The following PCLO variants were observed in gnomAD, a reference collection of about 807,000 sequenced individuals.
The protein encoded by PCLO is piccolo presynaptic cytomatrix protein, also known as protein piccolo.
In PCLO, 82 loss-of-function variants were observed where a neutral mutation model predicts 427.5. That is an observed-to-expected ratio of 0.19 (90% confidence interval 0.16 to 0.23). The LOEUF (loss-of-function observed/expected upper bound fraction) is 0.23. Ranked by LOEUF, PCLO falls within the 10% of genes least tolerant of loss-of-function variation. PCLO has a pLI of 1.00. For synonymous variants in PCLO, 2,357 were observed against 2,155.4 expected (o/e 1.09, Z -2.59); for missense variants, 6,239 against 6,115.9 (o/e 1.02, Z -0.67).
rs1290486289 is a variant in PCLO at position 82,755,969 on chromosome 7, C to T, written c.*2606G>A. ...CCCTGTTGTCAACTCTGCTGATTGA[C>T]CTAGCCCCATCGCTAGTTCCTTGGA... On this transcript the variant is annotated 3_prime_UTR_variant, in exon 25 of 25. Coordinates refer to ENST00000333891, the MANE Select transcript of PCLO (RefSeq NM_033026.6). The T allele has an allele frequency of 1.3e-5, 2 of 152,150 alleles. No homozygotes were observed. Among genetic ancestry groups the T allele is most frequent in the Admixed American group, 6.6e-5 (1 of 15,256 alleles). 9.4% of individuals were successfully genotyped at this position (152,150 alleles called of 1,614,324 possible).
chr7:82,871,470 G>A (rs922518095), intron 10 of PCLO, among the ~76,000 whole-genome samples: 1 of 151,870 alleles, frequency 6.6e-6, no homozygotes, highest in African/African-American at 2.4e-5. Flanking sequence ...GTGGAGGGGG[G>A]AATGATGAGG....
At chr7:83,028,941 T>A (rs539948813) in intron 3 of PCLO, among the ~76,000 whole-genome samples, 2 of 151,928 alleles carry the variant, frequency 1.3e-5, no homozygotes, top group African/African-American at 4.8e-5. Context: ...TCCTTACACC[T>A]TATACAAAAA....
intron 23 of PCLO, among the ~76,000 whole-genome samples, 159 bp from the exon 24 acceptor site, chr7:82,760,943 CTTTTTTTTTTT>C (rs767222339): frequency 0.03 from 1,794 of 60,438 alleles, 53 homozygotes; most frequent in Middle Eastern, 0.16. Flanking sequence ...AAAGATATGT[CTTTTTTTTTTT>C]TTTTTTTTTT....
intron 6 of PCLO, among the ~76,000 whole-genome samples, chr7:82,934,084 T>A (rs1373751347): frequency 6.6e-6 from 1 of 151,976 alleles, no homozygotes; most frequent in South Asian, 2.1e-4. Context: ...TATTAAAATA[T>A]AACTTTTACA....
intron 22 of PCLO, among the ~76,000 whole-genome samples, chr7:82,785,584 T>C (rs936138474): frequency 6.6e-6 from 1 of 152,140 alleles, no homozygotes; most frequent in Admixed American, 6.5e-5. Context: ...CTTAAAAAGA[T>C]CATTACAATT....
At chr7:82,856,730 A>G (rs559256146) in intron 10 of PCLO, among the ~76,000 whole-genome samples, 1 of 152,268 alleles carries the variant, frequency 6.6e-6, no homozygotes, top group Non-Finnish European at 1.5e-5. Context: ...CTCAGAATGG[A>G]TGTTTTTTAC....
chr7:82,759,611 A>G (rs1221032113), intron 24 of PCLO, among the ~76,000 whole-genome samples: 2 of 151,932 alleles, frequency 1.3e-5, no homozygotes, highest in Admixed American at 6.6e-5. Flanking sequence ...GTCATTTCAC[A>G]TTTTTATTCC....
chr7:82,880,723 T>A (rs1793486361), intron 9 of PCLO, among the ~76,000 whole-genome samples: 1 of 152,164 alleles, frequency 6.6e-6, no homozygotes, highest in Non-Finnish European at 1.5e-5. Flanking sequence ...GGCCAAAATG[T>A]CAACAGAGCC....
rs530190204 is a variant in PCLO at position 82,859,963 on chromosome 7, G to T, written c.13655-12716C>A. Among the ~76,000 whole-genome samples, 37 of 152,128 alleles carry T rather than the reference G, an allele frequency of 2.4e-4. 1 individual carries two copies. The highest frequency in any genetic ancestry group is 8.2e-4 in the African/African-American group (34 of 41,522). On this transcript the variant is annotated intron_variant, in intron 10 of 24. Coordinates refer to ENST00000333891, the MANE Select transcript of PCLO (RefSeq NM_033026.6). The stretch of plus-strand genomic sequence containing the variant: ...AATGCATCAGAGGTCTTTAATAGAA[G>T]AATTGATCAAGCAAAAGAAAGGATT...
chr7:82,914,126 TAAC>T (rs1794387757), intron 7 of PCLO, among the ~76,000 whole-genome samples: 1 of 151,886 alleles, frequency 6.6e-6, no homozygotes, highest in South Asian at 2.1e-4. Flanking sequence ...TTAAGGAAAA[TAAC>T]AAAATTCTAC....
At chr7:83,124,206 A>C (rs1257755458) in intron 3 of PCLO, among the ~76,000 whole-genome samples, 5 of 151,384 alleles carry the variant, frequency 3.3e-5, no homozygotes, top group Non-Finnish European at 5.9e-5. Context: ...AGTCCCAGCT[A>C]CTCGGAAGGC....
intron 6 of PCLO, among the ~76,000 whole-genome samples, chr7:82,928,988 C>T (rs961210873): frequency 2.0e-5 from 3 of 152,006 alleles, no homozygotes; most frequent in African/African-American, 4.8e-5. Flanking sequence ...GAACTCTTTA[C>T]GGCTTGCTAA....
At chr7:83,044,557 G>A (rs928436044) in intron 3 of PCLO, among the ~76,000 whole-genome samples, 2 of 151,814 alleles carry the variant, frequency 1.3e-5, no homozygotes, top group Non-Finnish European at 2.9e-5. Flanking sequence ...TTCCTAAGTC[G>A]GTTTTTTTGT....
chr7:83,109,719 A>G (rs766299405), intron 3 of PCLO, among the ~76,000 whole-genome samples: 2 of 152,134 alleles, frequency 1.3e-5, no homozygotes, highest in Non-Finnish European at 2.9e-5. Flanking sequence ...CAAAGAACAA[A>G]ATGAATATAA....
At position 83,137,967 on chromosome 7, in the gene PCLO, A is replaced by G. The variant is rs73707562; in HGVS notation, c.1894-2311T>C. Among the ~76,000 whole-genome samples, 477 of 152,292 alleles carry G rather than the reference A, an allele frequency of 3.1e-3. 3 individuals carry two copies. Among genetic ancestry groups the G allele is most frequent in the African/African-American group, 0.011 (450 of 41,554 alleles). ...TCCATTTTCCTTAATGGAAGGAAAT[A>G]TGTCTATAAATATGCATCTACCCAC... On this transcript the variant is annotated intron_variant, in intron 2 of 24. Transcript: ENST00000333891.
At chr7:83,081,862 T>G (rs1429243940) in intron 3 of PCLO, among the ~76,000 whole-genome samples, 1 of 151,812 alleles carries the variant, frequency 6.6e-6, no homozygotes, top group Admixed American at 6.6e-5. Flanking sequence ...TATTTTTTGA[T>G]ACCATATAAT....
intron 10 of PCLO, among the ~76,000 whole-genome samples, chr7:82,873,564 A>G (rs535483541): frequency 6.6e-6 from 1 of 152,292 alleles, no homozygotes; most frequent in African/African-American, 2.4e-5. Context: ...AATTTACAAG[A>G]CTGAGAGCAA....
At chr7:83,102,157 A>T (rs1031038679) in intron 3 of PCLO, among the ~76,000 whole-genome samples, 1 of 152,028 alleles carries the variant, frequency 6.6e-6, no homozygotes, top group African/African-American at 2.4e-5. Context: ...ATATCACTTG[A>T]TGTGCCTGTG....
intron 3 of PCLO, among the ~76,000 whole-genome samples, chr7:83,082,374 T>A (rs1008447133): frequency 4.6e-5 from 7 of 151,686 alleles, no homozygotes; most frequent in Non-Finnish European, 1.0e-4. Flanking sequence ...ATATAAAAAT[T>A]TTCATGTTTT....
Sources: allele counts gnomAD v4.1 joint callset (sites outside exome capture counted in the v4.1 genomes callset), GRCh38; gene constraint gnomAD v4.1.1; transcripts MANE v1.5; gene names NCBI Gene and HGNC (gene_info 2026-07-23, HGNC 2026-07-21).